Variants in RIN2 observed in about 807,000 individuals in gnomAD.
The protein encoded by RIN2 is RAB5 interacting protein 2.
A neutral mutation model predicts 78.0 loss-of-function variants in RIN2; 36 were observed. That is an observed-to-expected ratio of 0.46 (90% CI 0.35 to 0.61). The LOEUF (loss-of-function observed/expected upper bound fraction) is 0.61. RIN2 is among the 20% of genes least tolerant of loss of function. The probability of loss-of-function intolerance (pLI) is 0.00; values close to 1 mark genes in which losing one functional copy is unlikely to be tolerated. For missense variants in RIN2, 1,087 were observed against 1,159.7 expected (o/e 0.94, Z 0.91); for synonymous variants, 466 against 466.8 (o/e 1.00, Z 0.02).
chr20:19,883,868 C>CGGT (rs2038099581), intron 2 of RIN2, among the ~76,000 whole-genome samples: 1 of 141,542 alleles, frequency 7.1e-6, no homozygotes, highest in Non-Finnish European at 1.5e-5. Context: ...GTTTTAACCA[C>CGGT]CGCACCTCAC....
chr20:19,780,208 A>G (rs1244607793), intron 1 of RIN2, among the ~76,000 whole-genome samples: 5 of 152,212 alleles, frequency 3.3e-5, no homozygotes, highest in Non-Finnish European at 4.4e-5. Context: ...GCAGCTATAT[A>G]ATTTTAAGGC....
chr20:19,824,076 C>T, intron 2 of RIN2: 1 of 621,588 alleles, frequency 1.6e-6, no homozygotes, highest in South Asian at 1.9e-5. Context: ...CTGGTATGCA[C>T]ATGTGCTGAG....
At chr20:19,784,699 C>T (rs527790038) in intron 1 of RIN2, among the ~76,000 whole-genome samples, 1 of 152,240 alleles carries the variant, frequency 6.6e-6, no homozygotes, top group Non-Finnish European at 1.5e-5. Flanking sequence ...AGGCAGGCTC[C>T]GGAGCCCGCC....
intron 1 of RIN2, among the ~76,000 whole-genome samples, chr20:19,764,919 T>A (rs980048615): frequency 3.3e-5 from 1 of 30,614 alleles, no homozygotes; most frequent in South Asian, 1.4e-3. Flanking sequence ...ACTTTCTGCG[T>A]TTTTTTTTTT....
Position 19,902,491 on chromosome 20 carries a change from G to GGT in RIN2, c.57+12835_57+12836dup, listed in dbSNP as rs140003478. 6.2e-3 allele frequency among the ~76,000 whole-genome samples: 938 copies of GGT among 152,274 alleles called. 7 individuals carry two copies. The highest frequency in any genetic ancestry group is 0.022 in the African/African-American group (895 of 41,550). ...CATCTCTGAGTTTCCTATAGCAAAA[G>GGT]GTGGGGATGATTCTTCTCAAAGGCC... On this transcript the variant is annotated intron_variant, in intron 3 of 12. Transcript: ENST00000255006.
chr20:19,810,125 G>A (rs190679520), intron 2 of RIN2, among the ~76,000 whole-genome samples: 236 of 152,148 alleles, frequency 1.6e-3, no homozygotes, highest in African/African-American at 5.6e-3. Context: ...GGGGCCAGGC[G>A]TGGTGGCTCA....
intron 4 of RIN2, among the ~76,000 whole-genome samples, chr20:19,941,873 G>A (rs2040884824): frequency 6.6e-6 from 1 of 152,094 alleles, no homozygotes; most frequent in African/African-American, 2.4e-5. Flanking sequence ...CCAGCACTTT[G>A]GGAGGCTGAG....
intron 4 of RIN2, among the ~76,000 whole-genome samples, chr20:19,938,586 G>A (rs1396541360): frequency 6.6e-6 from 1 of 151,926 alleles, no homozygotes; most frequent in Non-Finnish European, 1.5e-5. Flanking sequence ...TTTGTACAAG[G>A]TACTTTAAAA....
In RIN2 at chr20:19,975,302, G is replaced by A. The variant is rs756353255; in HGVS notation, c.1277G>A (p.Arg426Gln). The A allele has an allele frequency of 2.5e-6, 4 of 1,604,980 alleles. No individual in the cohort carries two copies. The highest frequency in any genetic ancestry group is 3.3e-4 in the Middle Eastern group (2 of 6,072). ...TCACGGCCCCCGTGCCATGGAGGCC[G>A]GCAGCGGCTGAGCGACATGAGCATT... ...SESRPPCHGG[R>Q]QRLSDMSIST... Residue 426 changes from arginine (R) to glutamine (Q), a missense_variant, in exon 9 of 13, where the codon CGG (arginine) becomes CAG (glutamine). This residue lies in a region of RIN2 where 706 missense variants were observed against 667.5 expected (regional missense o/e 1.06). Transcript: ENST00000255006. This position sits in a 1 kb window ranked among gnomAD's most constrained non-coding sequence, Gnocchi z 4.9.
At position 19,974,791 on chromosome 20, in the gene RIN2, A is replaced by G. The variant is rs1199875461; in HGVS notation, c.766A>G (p.Thr256Ala). 2 of 1,613,972 alleles carry G rather than the reference A, an allele frequency of 1.2e-6. No homozygotes were observed. Among genetic ancestry groups the G allele is most frequent in the Non-Finnish European group, 8.5e-7 (1 of 1,179,902 alleles). Residue 256 changes from threonine (T) to alanine (A), a missense_variant, in exon 9 of 13, where the codon ACG (threonine) becomes GCG (alanine). This residue lies in a region of RIN2 where 706 missense variants were observed against 667.5 expected (regional missense o/e 1.06). Coordinates refer to ENST00000255006, the MANE Select transcript of RIN2 (RefSeq NM_018993.4). ...INGVHSIKTR[T>A]PSELECSQTN... The stretch of plus-strand genomic sequence containing the variant: ...TGGAGTGCATTCTATCAAAACCAGG[A>G]CGCCTTCAGAGCTGGAGTGCAGCCA...
At chr20:19,868,967 A>G (rs1026898480) in intron 2 of RIN2, among the ~76,000 whole-genome samples, 5 of 151,732 alleles carry the variant, frequency 3.3e-5, no homozygotes, top group Non-Finnish European at 7.4e-5. Context: ...CTCTAATTCC[A>G]GCTACTCGGG....
intron 3 of RIN2, among the ~76,000 whole-genome samples, chr20:19,918,278 T>A (rs1387075968): frequency 6.6e-6 from 1 of 152,022 alleles, no homozygotes; most frequent in African/African-American, 2.4e-5. Context: ...CAAGGTCCCA[T>A]AGCTTAGATG....
chr20:19,942,118 A>AAAAAAAAAAAAAAAAAAG (rs61328325), intron 4 of RIN2, among the ~76,000 whole-genome samples: 2 of 143,002 alleles, frequency 1.4e-5, no homozygotes, highest in African/African-American at 5.5e-5. Context: ...TCAAAAAAAA[A>AAAAAAAAAAAAAAAAAAG]AAAAGAAAGA....
At chr20:19,780,635 G>T (rs1457312908) in intron 1 of RIN2, among the ~76,000 whole-genome samples, 36 of 152,230 alleles carry the variant, frequency 2.4e-4, no homozygotes, top group Admixed American at 2.4e-3. Flanking sequence ...GCCAGATGGA[G>T]AGGTGGGACA....
chr20:19,947,730 C>T (rs550229482), intron 4 of RIN2, among the ~76,000 whole-genome samples: 1 of 152,328 alleles, frequency 6.6e-6, no homozygotes, highest in Non-Finnish European at 1.5e-5. Flanking sequence ...CAGGATTTTT[C>T]GTAAAGACTG....
intron 9 of RIN2, among the ~76,000 whole-genome samples, chr20:19,978,453 C>A (rs553442650): frequency 5.3e-4 from 80 of 152,290 alleles, no homozygotes; most frequent in African/African-American, 1.9e-3. Flanking sequence ...ATGAGAAAAA[C>A]AAATAGTTCT....
intron 12 of RIN2, among the ~76,000 whole-genome samples, chr20:19,999,764 C>T (rs1296860744): frequency 6.6e-6 from 1 of 152,162 alleles, no homozygotes; most frequent in Non-Finnish European, 1.5e-5. Flanking sequence ...ATTGCAGCAC[C>T]TGAGCCTGCA....
intron 7 of RIN2, among the ~76,000 whole-genome samples, chr20:19,966,325 C>CT (rs11471521): frequency 0.21 from 30,945 of 144,150 alleles, 3,655 homozygotes; most frequent in East Asian, 0.53. Flanking sequence ...GCACTACGCA[C>CT]TTTTTTTTTT....
At chr20:19,995,198 C>T (rs2042915724) in intron 11 of RIN2, among the ~76,000 whole-genome samples, 1 of 149,244 alleles carries the variant, frequency 6.7e-6, no homozygotes, top group Admixed American at 6.7e-5. Context: ...CTGCACAAAA[C>T]TCATTTCGCC....
Sources: allele counts gnomAD v4.1 joint callset (sites outside exome capture counted in the v4.1 genomes callset), GRCh38; gene constraint gnomAD v4.1.1; regional missense constraint gnomAD v4.1.1; non-coding constraint Gnocchi (gnomAD v3.1); transcripts MANE v1.5; gene names NCBI Gene and HGNC (gene_info 2026-07-23, HGNC 2026-07-21).